Variants in MAPK10 observed in about 807,000 individuals in gnomAD.
MAPK10 encodes the protein JNK3 alpha protein kinase.
MAPK10 carries 25 observed loss-of-function variants against 59.3 expected under a neutral mutation model. The ratio of observed to expected loss-of-function variants is 0.42; its 90% CI spans 0.31 to 0.59. MAPK10 has a LOEUF of 0.59. Among genes scored for constraint, MAPK10 ranks in the 20% least tolerant of loss-of-function variants. The pLI, the probability that MAPK10 is intolerant of heterozygous loss-of-function variation, is 0.15. For missense variants in MAPK10, 351 were observed against 568.9 expected (o/e 0.62, Z 3.90); for synonymous variants, 190 against 200.5 (o/e 0.95, Z 0.44).
In MAPK10 at chr4:86,369,349, AT is replaced by A. The variant is rs1738402775; in HGVS notation, c.-121-14706del. ...AAAAATTTCTAATATTAAAGAGCTT[AT>A]TTTTAAACATTTATATGAGAAGACT... is the stretch of plus-strand genomic sequence containing the variant. On this transcript the variant is annotated intron_variant, in intron 1 of 13. Coordinates refer to the MAPK10 transcript ENST00000361569. Among the ~76,000 whole-genome samples, 3 of 152,302 alleles carry A rather than the reference AT, an allele frequency of 2.0e-5. No individual in the cohort carries two copies. The South Asian group carries it at 6.2e-4, about 32-fold the overall frequency.
intron 11 of MAPK10, among the ~76,000 whole-genome samples, chr4:86,053,881 T>C (rs1408003946): frequency 1.3e-5 from 2 of 152,154 alleles, no homozygotes; most frequent in Non-Finnish European, 2.9e-5. Context: ...TGGAAGAACC[T>C]GACAGAATAC....
chr4:86,237,828 T>C (rs1313462505), intron 2 of MAPK10, among the ~76,000 whole-genome samples: 2 of 152,222 alleles, frequency 1.3e-5, no homozygotes, highest in Non-Finnish European at 2.9e-5. Context: ...TATCTTGCTG[T>C]GCAGAGGCTC....
chr4:86,114,858 T>C (rs1333612378), intron 4 of MAPK10, among the ~76,000 whole-genome samples: 1 of 152,210 alleles, frequency 6.6e-6, no homozygotes, highest in Non-Finnish European at 1.5e-5. Context: ...TGAAAACCCC[T>C]GGCTGGAGAT....
chr4:86,246,018 T>C (rs2093059952), intron 2 of MAPK10, among the ~76,000 whole-genome samples: 1 of 152,256 alleles, frequency 6.6e-6, no homozygotes. Flanking sequence ...ACATGATTAA[T>C]AGACAGTTAA....
rs74993117 is a variant in MAPK10 at position 86,351,957 on chromosome 4, C to T, written c.-7+2573G>A. Among the ~76,000 whole-genome samples the T allele has an allele frequency of 2.6e-3, 391 of 152,296 alleles. 11 individuals carry two copies. The East Asian group carries it at 0.058, about 23-fold the overall frequency. ...AAAAAACAAAAAATGGAAAGATGCTCTTCTTCATTAGTAATCAGCAAAATG... is the reference window on the plus strand; with the variant it reads ...AAAAAACAAAAAATGGAAAGATGCTTTTCTTCATTAGTAATCAGCAAAATG... On this transcript the variant is annotated intron_variant, in intron 2 of 13. Transcript: ENST00000641462.
intron 11 of MAPK10, among the ~76,000 whole-genome samples, chr4:86,038,261 G>C (rs191054621): frequency 6.6e-6 from 1 of 152,300 alleles, no homozygotes; most frequent in Admixed American, 6.5e-5. Context: ...CTGCTGCCTT[G>C]TTTAAAATGT....
At chr4:86,347,219 G>A (rs17450910) in intron 2 of MAPK10, among the ~76,000 whole-genome samples, 1,803 of 151,948 alleles carry the variant, frequency 0.012, 19 homozygotes, top group South Asian at 0.034. Flanking sequence ...AATTTTTCAA[G>A]TCTTAACCTG....
intron 2 of MAPK10, among the ~76,000 whole-genome samples, chr4:86,273,703 C>T (rs1228127930): frequency 6.6e-6 from 1 of 151,922 alleles, no homozygotes; most frequent in Admixed American, 6.6e-5. Flanking sequence ...TTCATTAATA[C>T]CCCTCCCTCA....
intron 1 of MAPK10, among the ~76,000 whole-genome samples, chr4:86,390,864 G>T (rs967094003): frequency 1.3e-5 from 2 of 152,178 alleles, no homozygotes; most frequent in East Asian, 3.9e-4. Flanking sequence ...TCTTGTCAAA[G>T]AAGCTATCAA....
intron 9 of MAPK10, among the ~76,000 whole-genome samples, chr4:86,069,143 T>C (rs1013740334): frequency 3.9e-5 from 6 of 152,090 alleles, no homozygotes; most frequent in African/African-American, 1.2e-4. Context: ...CTGAAAAAGA[T>C]TGTCAGTCCT....
At position 86,400,438 on chromosome 4, in the gene MAPK10, C is replaced by CCT. The variant is rs201761150; in HGVS notation, c.-121-45796_-121-45795dup. Among the ~76,000 whole-genome samples, 952 of 151,340 alleles carry CCT rather than the reference C, an allele frequency of 6.3e-3. 6 individuals carry two copies. The highest frequency in any genetic ancestry group is 0.021 in the African/African-American group (853 of 41,264). The stretch of plus-strand genomic sequence containing the variant: ...GTTCCTCTCTCTCTTTCTCTCTCTC[C>CCT]CTCTCTCTCTCTTTCTCTCTCTCTC... On this transcript the variant is annotated intron_variant, in intron 1 of 13. Transcript: ENST00000361569.
chr4:86,142,536 G>A (rs2063870551), intron 4 of MAPK10, among the ~76,000 whole-genome samples: 1 of 152,150 alleles, frequency 6.6e-6, no homozygotes, highest in South Asian at 2.1e-4. Context: ...CAGGGTGATT[G>A]CATCATTCTA....
At chr4:86,420,608 C>G (rs1014062322) in intron 1 of MAPK10, among the ~76,000 whole-genome samples, 5 of 151,350 alleles carry the variant, frequency 3.3e-5, no homozygotes, top group Admixed American at 1.3e-4. Flanking sequence ...TGCAGTGTGG[C>G]AAGACACCAA....
At chr4:86,486,431 C>A (rs1754002301) in intron 1 of MAPK10, among the ~76,000 whole-genome samples, 1 of 152,008 alleles carries the variant, frequency 6.6e-6, no homozygotes, top group South Asian at 2.1e-4. Flanking sequence ...GACAATATAC[C>A]CACAATCTAG....
At chr4:86,227,544 T>C (rs1361588112) in intron 2 of MAPK10, among the ~76,000 whole-genome samples, 2 of 151,572 alleles carry the variant, frequency 1.3e-5, no homozygotes, top group African/African-American at 4.8e-5. Flanking sequence ...TAGATGGTAC[T>C]ATTCTCCGGT....
chr4:86,366,715 G>A (rs1737960264), intron 1 of MAPK10, among the ~76,000 whole-genome samples: 2 of 152,176 alleles, frequency 1.3e-5, no homozygotes, highest in Admixed American at 6.5e-5. Flanking sequence ...CAGCTGCAGG[G>A]ACTAATTCAG....
chr4:86,309,107 T>G (rs1578033123), intron 2 of MAPK10, among the ~76,000 whole-genome samples: 1 of 152,180 alleles, frequency 6.6e-6, no homozygotes, highest in African/African-American at 2.4e-5. Flanking sequence ...AAATTCAAAG[T>G]CTTATGGGAC....
At chr4:86,123,331 C>T (rs577701999) in intron 4 of MAPK10, among the ~76,000 whole-genome samples, 1 of 152,076 alleles carries the variant, frequency 6.6e-6, no homozygotes, top group East Asian at 1.9e-4. Flanking sequence ...CTTTTCTTGG[C>T]TATTGTGAAT....
chr4:86,478,255 G>T (rs186805571), intron 1 of MAPK10, among the ~76,000 whole-genome samples: 1 of 152,256 alleles, frequency 6.6e-6, no homozygotes, highest in East Asian at 1.9e-4. Flanking sequence ...ATTCCTTGAA[G>T]AGAGCTTTAG....
Sources: gnomAD v4.1 joint callset for allele counts (sites outside exome capture counted in the v4.1 genomes callset) on GRCh38, gnomAD v4.1.1 for gene constraint, MANE v1.5 for transcripts, NCBI Gene and HGNC (gene_info 2026-07-23, HGNC 2026-07-21) for gene names.